The following SPMAP2L variants were observed in gnomAD, a reference collection of about 807,000 sequenced individuals.
SPMAP2L encodes sperm microtubule associated protein 2-like.
the SPMAP2L span, among the ~76,000 whole-genome samples, chr4:56,613,308 T>A: frequency 6.6e-6 from 1 of 152,130 alleles, no homozygotes; most frequent in Non-Finnish European, 1.5e-5. Flanking sequence ...TACTCTCTAT[T>A]ACCAAGGTGT....
At chr4:56,623,663 C>A in the SPMAP2L span, among the ~76,000 whole-genome samples, 1 of 152,210 alleles carries the variant, frequency 6.6e-6, no homozygotes, top group African/African-American at 2.4e-5. Flanking sequence ...TCATGATAGT[C>A]TATAAGTCTC....
chr4:56,595,035 T>C, the SPMAP2L span: 1 of 1,607,450 alleles, frequency 6.2e-7, no homozygotes, highest in African/African-American at 1.3e-5. Context: ...GGAATGAGGA[T>C]GCCTGTCCTG....
chr4:56,553,006 T>A, the SPMAP2L span, among the ~76,000 whole-genome samples: 1 of 152,082 alleles, frequency 6.6e-6, no homozygotes, highest in East Asian at 1.9e-4. Context: ...GCTGCCTGTA[T>A]CTCTAAGGCT....
the SPMAP2L span, among the ~76,000 whole-genome samples, chr4:56,581,560 C>A: frequency 3.3e-5 from 5 of 151,514 alleles, no homozygotes; most frequent in African/African-American, 1.2e-4. Context: ...ATCAAGGCTG[C>A]AGTGAGATGT....
At chr4:56,566,695 C>CTTTTTTTTTTT in the SPMAP2L span, among the ~76,000 whole-genome samples, 11 of 92,442 alleles carry the variant, frequency 1.2e-4, no homozygotes, top group South Asian at 3.7e-4. Context: ...TTTTCTTTTT[C>CTTTTTTTTTTT]TTTTTTTTTT....
chr4:56,560,749 C>T, the SPMAP2L span, among the ~76,000 whole-genome samples: 82 of 151,726 alleles, frequency 5.4e-4, no homozygotes, highest in Admixed American at 3.5e-3. Context: ...AACTGAACTA[C>T]TTTTTATTTT....
At chr4:56,596,000 A>G in the SPMAP2L span, among the ~76,000 whole-genome samples, 17 of 152,342 alleles carry the variant, frequency 1.1e-4, no homozygotes, top group East Asian at 2.9e-3. Flanking sequence ...AGGAACTTTA[A>G]CTTTTAATGT....
At chr4:56,537,926 C>G in the SPMAP2L span, among the ~76,000 whole-genome samples, 1 of 152,130 alleles carries the variant, frequency 6.6e-6, no homozygotes, top group Non-Finnish European at 1.5e-5. Context: ...ATCTCCTGAC[C>G]TTGTGATCTG....
At chr4:56,624,020 C>CT in the SPMAP2L span, among the ~76,000 whole-genome samples, 563 of 152,262 alleles carry the variant, frequency 3.7e-3, 4 homozygotes, top group Non-Finnish European at 4.8e-3. Context: ...AAAGTTTGGA[C>CT]TTCCTAGAGA....
the SPMAP2L span, among the ~76,000 whole-genome samples, chr4:56,531,328 T>G: frequency 6.6e-6 from 1 of 152,216 alleles, no homozygotes; most frequent in South Asian, 2.1e-4. Context: ...ATTTACCTGT[T>G]GCTTCGCAGT....
the SPMAP2L span, among the ~76,000 whole-genome samples, chr4:56,607,748 G>A: frequency 6.6e-6 from 1 of 152,100 alleles, no homozygotes; most frequent in Non-Finnish European, 1.5e-5. Context: ...AGCACTTTGA[G>A]GGACTGAGGT....
At chr4:56,548,841 T>C in the SPMAP2L span, 2 of 1,459,466 alleles carry the variant, frequency 1.4e-6, no homozygotes, top group Non-Finnish European at 1.8e-6. Context: ...ATAGTTATAG[T>C]ACTATTTTCA....
At chr4:56,595,232 T>C in the SPMAP2L span, 1 of 1,611,960 alleles carries the variant, frequency 6.2e-7, no homozygotes, top group South Asian at 1.1e-5. Context: ...AGAGGTTATG[T>C]GGGTCATGAA....
the SPMAP2L span, among the ~76,000 whole-genome samples, chr4:56,597,162 A>G: frequency 0.011 from 1,740 of 152,338 alleles, 32 homozygotes; most frequent in African/African-American, 0.039. Context: ...ACTGGTAAGA[A>G]GGAGTCAACC....
the SPMAP2L span, among the ~76,000 whole-genome samples, chr4:56,532,293 T>C: frequency 6.6e-6 from 1 of 152,140 alleles, no homozygotes; most frequent in African/African-American, 2.4e-5. Flanking sequence ...CTTATTTTCT[T>C]ACAATGGATC....
chr4:56,575,561 C>T, the SPMAP2L span: 93,014 of 1,535,180 alleles, frequency 0.061, 3,615 homozygotes, highest in East Asian at 0.24. Flanking sequence ...ATCACTCCTC[C>T]TGCATTGTTT....
the SPMAP2L span, chr4:56,595,793 C>A: frequency 1.3e-6 from 1 of 780,808 alleles, no homozygotes. Context: ...AGAAAGATTT[C>A]ATCTCCCACC....
chr4:56,601,024 C>G, the SPMAP2L span: 10 of 1,535,246 alleles, frequency 6.5e-6, no homozygotes, highest in African/African-American at 1.2e-4. Context: ...TCTACCTGAC[C>G]GTGATGCCCA....
At chr4:56,564,222 C>T in the SPMAP2L span, among the ~76,000 whole-genome samples, 1 of 151,530 alleles carries the variant, frequency 6.6e-6, no homozygotes, top group Non-Finnish European at 1.5e-5. Flanking sequence ...CAATCTCCAC[C>T]TCCCAGGCTC....
Sources: allele counts gnomAD v4.1 joint callset (sites outside exome capture counted in the v4.1 genomes callset), GRCh38; gene constraint gnomAD v4.1.1; transcripts MANE v1.5; gene names NCBI Gene and HGNC (gene_info 2026-07-23, HGNC 2026-07-21).